Variants in CTNNA3 observed in about 807,000 individuals in gnomAD.
CTNNA3 encodes catenin alpha-3.
CTNNA3 carries 76 observed loss-of-function variants against 95.7 expected under a neutral mutation model. The ratio of observed to expected loss-of-function variants is 0.79; its 90% confidence interval spans 0.66 to 0.96. CTNNA3 has a LOEUF of 0.96. CTNNA3 is among the 40% of genes least tolerant of loss of function. CTNNA3 has a pLI of 0.00. For synonymous variants in CTNNA3, 431 were observed against 374.4 expected (o/e 1.15, Z -1.74); for missense variants, 1,191 against 1,089.8 (o/e 1.09, Z -1.31).
At chr10:66,122,650 CT>C (rs1364120225) in intron 13 of CTNNA3, among the ~76,000 whole-genome samples, 2 of 152,154 alleles carry the variant, frequency 1.3e-5, no homozygotes, top group East Asian at 3.8e-4. Flanking sequence ...TTTCATACTG[CT>C]GATAAAGACA....
At chr10:67,279,510 C>T (rs76961386) in intron 5 of CTNNA3, among the ~76,000 whole-genome samples, 6 of 151,822 alleles carry the variant, frequency 4.0e-5, no homozygotes, top group Non-Finnish European at 5.9e-5. Context: ...GAAATACACA[C>T]ACTGCAAGAG....
chr10:66,702,742 A>T (rs1183529247), intron 9 of CTNNA3, among the ~76,000 whole-genome samples: 1 of 111,076 alleles, frequency 9.0e-6, no homozygotes, highest in East Asian at 2.1e-4. Flanking sequence ...AAGTAGTAGT[A>T]GTAGTAGTAG....
chr10:67,062,474 T>C (rs1221639576), intron 7 of CTNNA3, among the ~76,000 whole-genome samples: 1 of 152,166 alleles, frequency 6.6e-6, no homozygotes, highest in Non-Finnish European at 1.5e-5. Context: ...AGTACATTCA[T>C]TGTATTTCAA....
intron 5 of CTNNA3, among the ~76,000 whole-genome samples, chr10:67,481,902 A>G (rs1848246698): frequency 6.6e-6 from 1 of 152,052 alleles, no homozygotes; most frequent in African/African-American, 2.4e-5. Flanking sequence ...TAAGTCTTTA[A>G]TCCATCGTGA....
At chr10:67,104,373 C>T (rs1858509557) in intron 7 of CTNNA3, among the ~76,000 whole-genome samples, 1 of 151,764 alleles carries the variant, frequency 6.6e-6, no homozygotes, top group African/African-American at 2.4e-5. Context: ...TCAAAAGAGG[C>T]TGAAAGATAA....
chr10:66,360,596 C>CTTCTTTCTTTCT (rs869161944), intron 12 of CTNNA3, among the ~76,000 whole-genome samples: 27 of 94,170 alleles, frequency 2.9e-4, no homozygotes, highest in South Asian at 6.6e-4. Flanking sequence ...GTATTCTTTC[C>CTTCTTTCTTTCT]TTCTTTCTTT....
At chr10:67,191,551 A>G (rs1564959247) in intron 6 of CTNNA3, among the ~76,000 whole-genome samples, 1 of 151,980 alleles carries the variant, frequency 6.6e-6, no homozygotes, top group Non-Finnish European at 1.5e-5. Flanking sequence ...CAGATTTGAA[A>G]GATCTGTGGT....
At position 66,398,446 on chromosome 10, in the gene CTNNA3, G is replaced by T. The variant is rs1161709024; in HGVS notation, c.1532-19094C>A. ...ATCAGTGTAATGTATCTATGGTATTGTATTTAGAAGAAATTCTTGCCAGGA... is the reference window on the plus strand; with the variant it reads ...ATCAGTGTAATGTATCTATGGTATTTTATTTAGAAGAAATTCTTGCCAGGA... On this transcript the variant is annotated intron_variant, in intron 11 of 17. Coordinates refer to ENST00000433211, the MANE Select transcript of CTNNA3 (RefSeq NM_013266.4). Among the ~76,000 whole-genome samples, 3 of 151,830 alleles carry T rather than the reference G, an allele frequency of 2.0e-5. No individual in the cohort carries two copies. In the East Asian group the frequency reaches 5.8e-4, roughly 29 times the overall value.
chr10:67,333,328 A>G (rs2616700), intron 5 of CTNNA3, among the ~76,000 whole-genome samples: 122,721 of 152,102 alleles, frequency 0.81, 51,236 homozygotes, highest in Middle Eastern at 0.93. Context: ...AATAACAACA[A>G]GCCAATGCAG....
At chr10:66,710,293 A>G (rs1366370928) in intron 9 of CTNNA3, among the ~76,000 whole-genome samples, 1 of 152,124 alleles carries the variant, frequency 6.6e-6, no homozygotes, top group Non-Finnish European at 1.5e-5. Context: ...GGGCAATCAC[A>G]TGGTTGATGC....
intron 7 of CTNNA3, among the ~76,000 whole-genome samples, chr10:66,794,950 A>T (rs1043352846): frequency 1.3e-5 from 2 of 152,150 alleles, no homozygotes; most frequent in Non-Finnish European, 1.5e-5. Flanking sequence ...TAAGATTGTT[A>T]TAATTCAGTC....
intron 7 of CTNNA3, among the ~76,000 whole-genome samples, chr10:67,177,772 A>T (rs1013701470): frequency 6.6e-6 from 1 of 152,236 alleles, no homozygotes; most frequent in African/African-American, 2.4e-5. Flanking sequence ...ATGAGATACA[A>T]TAATACACTC....
At chr10:66,564,456 C>T (rs1056127220) in intron 10 of CTNNA3, among the ~76,000 whole-genome samples, 2 of 152,116 alleles carry the variant, frequency 1.3e-5, no homozygotes, top group African/African-American at 4.8e-5. Context: ...AATTCTCTTC[C>T]CCTAGCTTCT....
chr10:66,364,722 G>C (rs1026155883), intron 12 of CTNNA3, among the ~76,000 whole-genome samples: 1 of 152,030 alleles, frequency 6.6e-6, no homozygotes, highest in Admixed American at 6.6e-5. Context: ...TTACAGATAT[G>C]GGGCCCATAG....
chr10:66,770,449 A>G (rs1840043875), intron 8 of CTNNA3, among the ~76,000 whole-genome samples: 1 of 152,196 alleles, frequency 6.6e-6, no homozygotes, highest in Non-Finnish European at 1.5e-5. Flanking sequence ...TGGGAGGCCA[A>G]TAGGAATTAC....
intron 7 of CTNNA3, among the ~76,000 whole-genome samples, chr10:66,811,689 C>A (rs1246051579): frequency 6.6e-6 from 1 of 152,128 alleles, no homozygotes; most frequent in Non-Finnish European, 1.5e-5. Context: ...CAGTTGAGAA[C>A]CACTGAAATT....
chr10:66,386,922 T>A (rs762045326), intron 11 of CTNNA3, among the ~76,000 whole-genome samples: 14 of 152,184 alleles, frequency 9.2e-5, no homozygotes, highest in Non-Finnish European at 1.8e-4. Flanking sequence ...GATCCCTTCC[T>A]TACACCTTGT....
intron 7 of CTNNA3, chr10:66,926,885 G>GA: frequency 6.6e-7 from 1 of 1,512,804 alleles, no homozygotes; most frequent in Non-Finnish European, 8.8e-7. Flanking sequence ...ATTCTTTTTT[G>GA]GGGGGATAAC....
intron 5 of CTNNA3, among the ~76,000 whole-genome samples, chr10:67,222,101 T>C (rs1564987290): frequency 6.6e-6 from 1 of 152,182 alleles, no homozygotes; most frequent in Non-Finnish European, 1.5e-5. Flanking sequence ...CTGGGAATAA[T>C]GTTGCATGAG....
Sources: gnomAD v4.1 joint callset for allele counts (sites outside exome capture counted in the v4.1 genomes callset) on GRCh38, gnomAD v4.1.1 for gene constraint, MANE v1.5 for transcripts, NCBI Gene and HGNC (gene_info 2026-07-23, HGNC 2026-07-21) for gene names.